CC2D2A: variants seen among roughly 807,000 people sequenced by gnomAD.
The protein encoded by CC2D2A is coiled-coil and C2 domain containing 2A, also known as coiled-coil and C2 domain-containing protein 2A.
A neutral mutation model predicts 212.9 loss-of-function variants in CC2D2A; 155 were observed. The observed-to-expected ratio is 0.73, with a 90% CI of 0.64 to 0.83. The LOEUF (loss-of-function observed/expected upper bound fraction) is 0.83. Among genes scored for constraint, CC2D2A ranks in the 40% least tolerant of loss-of-function variants. The pLI is 0.00. For missense variants in CC2D2A, 1,856 were observed against 1,956.2 expected (o/e 0.95, Z 0.97); for synonymous variants, 667 against 686.5 (o/e 0.97, Z 0.44).
At chr4:15,486,636 TTAAG>T (rs1396348142) in intron 4 of CC2D2A, among the ~76,000 whole-genome samples, 1 of 152,084 alleles carries the variant, frequency 6.6e-6, no homozygotes, top group African/African-American at 2.4e-5. Context: ...CTACTTTTTA[TTAAG>T]TATCACTTTC....
intron 17 of CC2D2A, among the ~76,000 whole-genome samples, chr4:15,548,121 ATT>A (rs145117895): frequency 1.4e-5 from 2 of 146,270 alleles, no homozygotes; most frequent in Admixed American, 6.8e-5. Context: ...GAAATTCTGG[ATT>A]TTTTTTTTTT....
intron 11 of CC2D2A, among the ~76,000 whole-genome samples, chr4:15,524,688 T>C (rs1717414457): frequency 6.6e-6 from 1 of 151,982 alleles, no homozygotes; most frequent in Non-Finnish European, 1.5e-5. Context: ...CCTGACCTCG[T>C]GATCTGCCCG....
Position 15,596,112 on chromosome 4 carries a change from T to A in CC2D2A, c.4342T>A (p.Ser1448Thr). Residue 1448 changes from serine to threonine, a missense_variant, in exon 34 of 37, where the codon TCT becomes ACT. Ser to Thr is a moderately conservative substitution (Grantham distance 58). Coordinates refer to ENST00000424120, the MANE Select transcript of CC2D2A (RefSeq NM_001378615.1). ...NIWFNIQRYESPLRINFDVTR... is the reference protein window; with the variant it reads ...NIWFNIQRYETPLRINFDVTR... ...TTGGTTTAATATTCAACGATATGAATCTCCACTAAGGATAAATTTTGATGT... is the reference window on the plus strand; with the variant it reads ...TTGGTTTAATATTCAACGATATGAAACTCCACTAAGGATAAATTTTGATGT... 1 of 1,548,616 alleles carries A rather than the reference T, an allele frequency of 6.5e-7. No individual in the cohort carries two copies. The highest frequency in any genetic ancestry group is 1.7e-4 in the Middle Eastern group (1 of 5,942).
At chr4:15,542,635 C>A (rs1222164950) in intron 17 of CC2D2A, among the ~76,000 whole-genome samples, 1 of 152,180 alleles carries the variant, frequency 6.6e-6, no homozygotes, top group Admixed American at 6.5e-5. Context: ...TATTTACATA[C>A]TCTGTACTGA....
At chr4:15,520,410 A>C (rs1717138010) in intron 11 of CC2D2A, among the ~76,000 whole-genome samples, 2 of 152,306 alleles carry the variant, frequency 1.3e-5, no homozygotes, top group East Asian at 3.9e-4. Flanking sequence ...AACAATATCA[A>C]CTTATGCATT....
intron 4 of CC2D2A, among the ~76,000 whole-genome samples, chr4:15,492,021 C>T (rs149573277): frequency 9.2e-5 from 14 of 152,254 alleles, no homozygotes; most frequent in South Asian, 4.1e-4. Context: ...TTAGCTCTTA[C>T]GTTTCTCTAG....
chr4:15,539,657 C>T (rs780078448), intron 16 of CC2D2A, among the ~76,000 whole-genome samples: 1 of 152,142 alleles, frequency 6.6e-6, no homozygotes, highest in Non-Finnish European at 1.5e-5. Context: ...TTCCCCTGCA[C>T]TAAGTAAGCA....
chr4:15,526,863 G>A (rs971198301), intron 11 of CC2D2A, among the ~76,000 whole-genome samples: 1 of 152,132 alleles, frequency 6.6e-6, no homozygotes, highest in African/African-American at 2.4e-5. Flanking sequence ...GGAGACTTCT[G>A]TTTCTGTTTT....
chr4:15,502,618 C>A, intron 5 of CC2D2A, 101 bp downstream of exon 5: 2 of 1,117,446 alleles, frequency 1.8e-6, no homozygotes, highest in Non-Finnish European at 2.6e-6. Flanking sequence ...ATTTGAATAC[C>A]ATTCAATTTG....
In CC2D2A at chr4:15,510,163, C is replaced by T; in HGVS notation, c.463C>T (p.Gln155Ter). 2 of 1,613,362 alleles carry T rather than the reference C, an allele frequency of 1.2e-6. No individual in the cohort carries two copies. Among genetic ancestry groups the T allele is most frequent in the Non-Finnish European group, 1.7e-6 (2 of 1,179,574 alleles). Residue 155 changes from glutamine to a stop codon, truncating the protein, a stop_gained, in exon 7 of 37, where the codon CAA (glutamine) becomes TAA (stop). Transcript: ENST00000424120. LOFTEE classifies it high-confidence loss of function. Reference protein sequence around the residue: ...TEPGKEVERTQQEVDSQSYSR... With the variant: ...TEPGKEVERT ...GCCAGGGAAAGAGGTAGAAAGGACTCAACAAGAAGTTGACTCCCAAAGTTA... is the reference window on the plus strand; with the variant it reads ...GCCAGGGAAAGAGGTAGAAAGGACTTAACAAGAAGTTGACTCCCAAAGTTA...
chr4:15,545,950 A>G (rs1216582031), intron 17 of CC2D2A, among the ~76,000 whole-genome samples: 4 of 151,974 alleles, frequency 2.6e-5, no homozygotes, highest in African/African-American at 9.7e-5. Flanking sequence ...CTCCACAAAA[A>G]TTTTAAAAAA....
chr4:15,491,180 C>T (rs551309371), intron 4 of CC2D2A, among the ~76,000 whole-genome samples: 1 of 152,232 alleles, frequency 6.6e-6, no homozygotes, highest in East Asian at 1.9e-4. Context: ...ATATACTTTT[C>T]AAAGTGGCTG....
chr4:15,564,135 C>T (rs11932730), intron 24 of CC2D2A: 103,910 of 152,292 alleles, frequency 0.68, 35,647 homozygotes, highest in Non-Finnish European at 0.72. Flanking sequence ...AAATGTGTTA[C>T]GACTACTAGA....
rs536206542 is a variant in CC2D2A, at chr4:15,524,600, G to A, written c.1150-2847G>A. ...CAAGTAGCTGGGACTACAGGTGCCC[G>A]CCACCACGCTCGGCTAATTTTTTTG... On this transcript the variant is annotated intron_variant, in intron 11 of 36. Transcript: ENST00000424120. 2.0e-4 allele frequency among the ~76,000 whole-genome samples: 31 copies of A among 151,766 alleles called. No individual in the cohort carries two copies. The South Asian group carries it at 3.5e-3, about 17-fold the overall frequency.
chr4:15,568,400 C>T (rs562266411), intron 26 of CC2D2A, among the ~76,000 whole-genome samples: 14 of 152,334 alleles, frequency 9.2e-5, no homozygotes, highest in South Asian at 6.2e-4. Context: ...TGGTGGCTCA[C>T]GCCTGTAATC....
chr4:15,554,940 C>T, intron 19 of CC2D2A, 132 bp from the exon 20 acceptor site: 1 of 880,202 alleles, frequency 1.1e-6, no homozygotes, highest in Non-Finnish European at 1.7e-6. Context: ...TGACAAAATC[C>T]TTCCTTATGA....
chr4:15,541,575 G>A (rs1248707087), intron 17 of CC2D2A, among the ~76,000 whole-genome samples: 3 of 152,036 alleles, frequency 2.0e-5, no homozygotes, highest in Non-Finnish European at 2.9e-5. Context: ...AGATGGGAGA[G>A]GGGTGCTGAA....
rs1426084216 is a variant in CC2D2A at position 15,540,968 on chromosome 4, T to G, written c.2135T>G (p.Ile712Ser). 1 of 1,552,930 alleles carries G rather than the reference T, an allele frequency of 6.4e-7. No individual in the cohort carries two copies. The highest frequency in any genetic ancestry group is 1.2e-5 in the South Asian group (1 of 83,916). ...GACTTCCGAGTTCACTTTGGGCAGATTTTCAATTTGCAAATAGTCAACTGG... is the reference window on the plus strand; with the variant it reads ...GACTTCCGAGTTCACTTTGGGCAGAGTTTCAATTTGCAAATAGTCAACTGG... ...GADFRVHFGQ[I>S]FNLQIVNWPE... Residue 712 changes from isoleucine (I) to serine (S), a missense_variant, in exon 17 of 37, where the codon ATT (isoleucine) becomes AGT (serine). Physicochemically the swap from Ile to Ser is moderately radical, Grantham distance 142. Coordinates refer to ENST00000424120, the MANE Select transcript of CC2D2A (RefSeq NM_001378615.1).
chr4:15,568,770 G>A (rs551572347), intron 26 of CC2D2A, among the ~76,000 whole-genome samples: 1 of 152,302 alleles, frequency 6.6e-6, no homozygotes, highest in East Asian at 1.9e-4. Context: ...GCTAGACTCA[G>A]AGTGGGTTAT....
Sources: gnomAD v4.1 joint callset for allele counts (sites outside exome capture counted in the v4.1 genomes callset) on GRCh38, gnomAD v4.1.1 for gene constraint, MANE v1.5 for transcripts, NCBI Gene and HGNC (gene_info 2026-07-23, HGNC 2026-07-21) for gene names.